Variants in URGCP observed in about 807,000 individuals in gnomAD.
URGCP encodes the protein up-regulator of cell proliferation.
In URGCP, 13 loss-of-function variants were observed where a neutral mutation model predicts 24.6. That is an observed-to-expected ratio of 0.53 (90% CI 0.34 to 0.84). The LOEUF is 0.84. Among genes scored for constraint, URGCP ranks in the 40% least tolerant of loss-of-function variants. URGCP has a pLI of 0.01. For missense variants in URGCP, 899 were observed against 1,194.3 expected (o/e 0.75, Z 3.64); for synonymous variants, 444 against 487.2 (o/e 0.91, Z 1.17).
At chr7:43,918,536 C>T (rs1189328835) in intron 1 of URGCP, among the ~76,000 whole-genome samples, 1 of 152,092 alleles carries the variant, frequency 6.6e-6, no homozygotes, top group Non-Finnish European at 1.5e-5. Flanking sequence ...CCACTTCGGC[C>T]TCCCAAAGTG....
chr7:43,919,180 C>T, intron 1 of URGCP: 1 of 888,484 alleles, frequency 1.1e-6, no homozygotes, highest in Middle Eastern at 2.2e-4. Flanking sequence ...GACAGGTATC[C>T]TAAGAAGCTG....
chr7:43,916,920 T>C (rs1207038848), intron 1 of URGCP, among the ~76,000 whole-genome samples: 4 of 152,152 alleles, frequency 2.6e-5, no homozygotes, highest in Admixed American at 6.5e-5. Context: ...CATACATCTT[T>C]CAAATGCATC....
chr7:43,906,262 G>A (rs1481920099), intron 1 of URGCP: 6 of 156,478 alleles, frequency 3.8e-5, no homozygotes, highest in African/African-American at 1.2e-4. Context: ...GCCGCGCCCC[G>A]GGCACCTCCG....
intron 1 of URGCP, among the ~76,000 whole-genome samples, chr7:43,917,510 G>C (rs2095916801): frequency 6.6e-6 from 1 of 152,134 alleles, no homozygotes. Flanking sequence ...CTTTGTTTTA[G>C]CTTCTGCCAT....
chr7:43,905,845 T>C (rs2095900959), intron 1 of URGCP: 1 of 152,240 alleles, frequency 6.6e-6, no homozygotes, highest in African/African-American at 2.4e-5. Flanking sequence ...TTACTGAGGT[T>C]TTAGTTTGCC....
At chr7:43,922,689 G>A (rs2095923757) in intron 1 of URGCP, among the ~76,000 whole-genome samples, 1 of 151,976 alleles carries the variant, frequency 6.6e-6, no homozygotes, top group South Asian at 2.1e-4. Flanking sequence ...ACAGGCATGC[G>A]CCACCATGCT....
intron 1 of URGCP, chr7:43,919,763 C>T (rs1378356840): frequency 7.4e-7 from 1 of 1,357,358 alleles, no homozygotes; most frequent in Non-Finnish European, 1.1e-6. Flanking sequence ...GCCCCACCAG[C>T]ATCCAGGTGG....
chr7:43,898,383 A>C (rs940961676), intron 1 of URGCP, among the ~76,000 whole-genome samples: 1 of 152,272 alleles, frequency 6.6e-6, no homozygotes, highest in African/African-American at 2.4e-5. Flanking sequence ...AGTAGCAACA[A>C]GAAAAATAAT....
intron 1 of URGCP, among the ~76,000 whole-genome samples, chr7:43,890,665 G>A (rs573979552): frequency 6.6e-6 from 1 of 152,300 alleles, no homozygotes; most frequent in South Asian, 2.1e-4. Context: ...TCCCTCCTCT[G>A]GGCACTTCCC....
At chr7:43,894,954 C>T (rs2095876163) in intron 1 of URGCP, among the ~76,000 whole-genome samples, 1 of 152,024 alleles carries the variant, frequency 6.6e-6, no homozygotes, top group East Asian at 1.9e-4. Context: ...TTGCTTGAGG[C>T]CGGGAGGTTG....
intron 1 of URGCP, among the ~76,000 whole-genome samples, chr7:43,916,970 C>T (rs1237172968): frequency 6.6e-6 from 1 of 152,082 alleles, no homozygotes; most frequent in African/African-American, 2.4e-5. Flanking sequence ...CCTTCTTATT[C>T]CTTTCTCCTC....
chr7:43,881,306 C>T (rs772126265), intron 5 of URGCP: 2 of 687,730 alleles, frequency 2.9e-6, no homozygotes, highest in African/African-American at 1.8e-5. Flanking sequence ...CCAGATAAAT[C>T]GTTTCCAAAC....
intron 1 of URGCP, chr7:43,918,829 C>T (rs916527813): frequency 3.1e-6 from 4 of 1,303,052 alleles, no homozygotes; most frequent in African/African-American, 2.9e-5. Context: ...ACTGAGGGCA[C>T]TGACCACAAG....
chr7:43,889,147 C>T (rs1308541087), intron 1 of URGCP: 2 of 152,166 alleles, frequency 1.3e-5, no homozygotes, highest in Non-Finnish European at 2.9e-5. Context: ...CTCTTGCTCA[C>T]ATCAGAACAT....
chr7:43,910,774 T>C (rs773185177), upstream of URGCP: 1 of 152,098 alleles, frequency 6.6e-6, no homozygotes, highest in Non-Finnish European at 1.5e-5. Context: ...TAGGATCTCT[T>C]GAGCCTGGGA....
At chr7:43,914,344 C>A (rs2095913313) in intron 1 of URGCP, among the ~76,000 whole-genome samples, 3 of 151,966 alleles carry the variant, frequency 2.0e-5, no homozygotes, top group Admixed American at 2.0e-4. Context: ...TCTAACCACC[C>A]TCAAAAAAAA....
chr7:43,919,019 C>T, intron 1 of URGCP: 3 of 1,158,384 alleles, frequency 2.6e-6, no homozygotes, highest in Non-Finnish European at 3.9e-6. Flanking sequence ...CCAGCAGATT[C>T]TCCCAGAGGG....
upstream of URGCP, among the ~76,000 whole-genome samples, chr7:43,909,511 G>C (rs1478451811): frequency 1.3e-5 from 2 of 152,036 alleles, no homozygotes; most frequent in Non-Finnish European, 2.9e-5. Flanking sequence ...TGGATCACTT[G>C]AGGTCAGAAG....
intron 3 of URGCP, 107 bp from the exon 4 acceptor site, chr7:43,882,064 TG>T: frequency 6.4e-7 from 1 of 1,558,028 alleles, no homozygotes. Context: ...TTTAGGAGGC[TG>T]AACAAGAGGA....
Sources: gnomAD v4.1 joint callset for allele counts (sites outside exome capture counted in the v4.1 genomes callset) on GRCh38, gnomAD v4.1.1 for gene constraint, MANE v1.5 for transcripts, NCBI Gene and HGNC (gene_info 2026-07-23, HGNC 2026-07-21) for gene names.